IKZF1: variants seen among roughly 807,000 people sequenced by gnomAD.
IKZF1 encodes DNA-binding protein Ikaros.
In IKZF1, 10 loss-of-function variants were observed where a neutral mutation model predicts 51.7. That is an observed-to-expected ratio of 0.19 (90% CI 0.12 to 0.33). The LOEUF (loss-of-function observed/expected upper bound fraction) is 0.33, where lower values mean the gene tolerates loss of function less well. IKZF1 is among the 10% of genes least tolerant of loss of function. IKZF1 has a pLI of 1.00. For missense variants in IKZF1, 484 were observed against 707.5 expected (o/e 0.68, Z 3.58); for synonymous variants, 280 against 282.3 (o/e 0.99, Z 0.08).
chr7:50,345,520 G>A (rs1474643301), intron 3 of IKZF1, among the ~76,000 whole-genome samples: 3 of 152,304 alleles, frequency 2.0e-5, no homozygotes, highest in Admixed American at 6.5e-5. Context: ...TCCCCGGGAG[G>A]TGGAAATTGA....
At chr7:50,313,111 T>C (rs1790600267) in intron 1 of IKZF1, among the ~76,000 whole-genome samples, 1 of 152,264 alleles carries the variant, frequency 6.6e-6, no homozygotes, top group African/African-American at 2.4e-5. Flanking sequence ...TTGCCTTAGC[T>C]TTCTCTTGAA....
intron 3 of IKZF1, among the ~76,000 whole-genome samples, chr7:50,358,610 G>A (rs955193472): frequency 6.6e-5 from 10 of 152,228 alleles, no homozygotes; most frequent in South Asian, 2.1e-4. Flanking sequence ...GGCAGAGGCC[G>A]TCTGTAAACA....
chr7:50,321,671 G>A (rs1793361657), intron 2 of IKZF1, among the ~76,000 whole-genome samples: 1 of 152,120 alleles, frequency 6.6e-6, no homozygotes, highest in Admixed American at 6.6e-5. Flanking sequence ...AGTCAAAGCT[G>A]AATGCTGACA....
At chr7:50,399,786 G>C (rs1817652745) in intron 7 of IKZF1, 132 bp from the exon 8 acceptor site, 5 of 1,367,610 alleles carry the variant, frequency 3.7e-6, no homozygotes, top group Middle Eastern at 2.5e-4. Context: ...CAGGTGTGGG[G>C]TCCGCAGGCG....
intron 3 of IKZF1, among the ~76,000 whole-genome samples, chr7:50,375,275 A>T (rs1313493613): frequency 6.6e-6 from 1 of 152,144 alleles, no homozygotes; most frequent in Non-Finnish European, 1.5e-5. Context: ...CCAAAAAAAA[A>T]TGGCTGGATG....
At chr7:50,329,119 GT>G (rs1330602485) in intron 3 of IKZF1, among the ~76,000 whole-genome samples, 1 of 149,740 alleles carries the variant, frequency 6.7e-6, no homozygotes, top group Non-Finnish European at 1.5e-5. Context: ...TATTTTGTAT[GT>G]TTTTTATGTG....
rs1810313846 is a variant in IKZF1, at chr7:50,376,447, TTTGA to T, written c.161-82_161-79del. The T allele has an allele frequency of 1.3e-6, 2 of 1,561,480 alleles. No individual in the cohort carries two copies. Among genetic ancestry groups the T allele is most frequent in the East Asian group, 4.5e-5 (2 of 44,524 alleles). On this transcript the variant is annotated intron_variant, in intron 3 of 7. Transcript: ENST00000331340. The surrounding 1 kb of genome is among the most constrained non-coding windows in gnomAD (Gnocchi z 4.5). ...TCTGTTTAGTAGCTCTCCACACCTA[TTTGA>T]TTGTCTTTTTGCTGCTGTGTTGTTT...
intron 3 of IKZF1, among the ~76,000 whole-genome samples, chr7:50,371,791 T>C (rs929636112): frequency 6.6e-6 from 1 of 152,378 alleles, no homozygotes; most frequent in East Asian, 1.9e-4. Flanking sequence ...CACCAGCCTA[T>C]GCTGCCCTTT....
intron 3 of IKZF1, among the ~76,000 whole-genome samples, chr7:50,354,661 G>A (rs1244225658): frequency 6.6e-6 from 1 of 152,052 alleles, no homozygotes; most frequent in Admixed American, 6.6e-5. Context: ...CTGGAGTCAC[G>A]GGTCTTCCAT....
At chr7:50,355,193 C>T (rs541092722) in intron 3 of IKZF1, among the ~76,000 whole-genome samples, 2 of 152,226 alleles carry the variant, frequency 1.3e-5, no homozygotes, top group South Asian at 2.1e-4. Context: ...TCCCAACAGG[C>T]GGAAATTCAC....
At position 50,376,420 on chromosome 7, in the gene IKZF1, C is replaced by A; in HGVS notation, c.161-113C>A. The stretch of plus-strand genomic sequence containing the variant: ...CTCTCCCCTTGGTATTTGCTAAGAA[C>A]TTCTGTTTAGTAGCTCTCCACACCT... On this transcript the variant is annotated intron_variant, in intron 3 of 7. Transcript: ENST00000331340. The surrounding 1 kb of genome is among the most constrained non-coding windows in gnomAD (Gnocchi z 4.5). The A allele has an allele frequency of 6.6e-7, 1 of 1,509,232 alleles. No homozygotes were observed. Among genetic ancestry groups the A allele is most frequent in the Non-Finnish European group, 8.9e-7 (1 of 1,127,606 alleles). The allele number at this position is 1,509,232 out of a possible 1,614,324, so 93.5% of individuals were successfully genotyped here.
rs1006605925 is a variant in IKZF1, at chr7:50,401,474, A to G, written c.*847A>G. On this transcript the variant is annotated 3_prime_UTR_variant, in exon 8 of 8. Coordinates refer to ENST00000331340, the MANE Select transcript of IKZF1 (RefSeq NM_006060.6). ...TCCCATACCTTTAATGGCCCCCAAA[A>G]TCTGTCACTACAATTTAAACACCAG... 1 of 224,336 alleles carries G rather than the reference A, an allele frequency of 4.5e-6. No individual in the cohort carries two copies. Among genetic ancestry groups the G allele is most frequent in the Non-Finnish European group, 8.9e-6 (1 of 112,344 alleles). 13.9% of individuals were successfully genotyped at this position (224,336 alleles called of 1,614,324 possible). A position where few individuals can be genotyped will look rare whatever the true frequency, so the allele number is the denominator to read the frequency against.
At chr7:50,337,824 G>A (rs1318445221) in intron 3 of IKZF1, among the ~76,000 whole-genome samples, 2 of 152,156 alleles carry the variant, frequency 1.3e-5, no homozygotes, top group African/African-American at 2.4e-5. Flanking sequence ...CTTTGGGTGA[G>A]ACTGTCCCTC....
At chr7:50,364,891 C>T (rs1185969641) in intron 3 of IKZF1, among the ~76,000 whole-genome samples, 1 of 152,188 alleles carries the variant, frequency 6.6e-6, no homozygotes, top group Admixed American at 6.5e-5. Flanking sequence ...GGGGGCAGGG[C>T]TAAGAGGTGT....
At chr7:50,372,714 A>G (rs1394164520) in intron 3 of IKZF1, among the ~76,000 whole-genome samples, 1 of 152,082 alleles carries the variant, frequency 6.6e-6, no homozygotes, top group East Asian at 1.9e-4. Context: ...TGTGTGACTA[A>G]TCTTCTATAT....
intron 3 of IKZF1, among the ~76,000 whole-genome samples, chr7:50,352,687 C>T (rs927284031): frequency 2.0e-5 from 3 of 152,162 alleles, no homozygotes; most frequent in South Asian, 2.1e-4. Context: ...TCAACCTCTT[C>T]GGTCTCTCTT....
At chr7:50,361,574 C>T (rs1805246478) in intron 3 of IKZF1, among the ~76,000 whole-genome samples, 1 of 152,146 alleles carries the variant, frequency 6.6e-6, no homozygotes, top group East Asian at 1.9e-4. Context: ...GGCACCAAAA[C>T]AATCATTTAA....
intron 1 of IKZF1, among the ~76,000 whole-genome samples, chr7:50,307,607 C>T (rs941754838): frequency 1.3e-5 from 2 of 152,160 alleles, no homozygotes; most frequent in African/African-American, 4.8e-5. Context: ...ATAATCATTC[C>T]ATTTTATGGG....
chr7:50,317,281 G>A lies in IKZF1; in HGVS notation c.-14-1767G>A, dbSNP rs146403817. 3.8e-3 allele frequency among the ~76,000 whole-genome samples: 583 copies of A among 152,282 alleles called. 2 individuals carry two copies. Among genetic ancestry groups the A allele is most frequent in the South Asian group, 0.014 (67 of 4,818 alleles). ...TTTAAGACCCGGTGTGTGATAGGCC[G>A]CGCTAAAATACTATACACATCTTCA... On this transcript the variant is annotated intron_variant, in intron 1 of 7. Transcript: ENST00000331340.
Sources: gnomAD v4.1 joint callset for allele counts (sites outside exome capture counted in the v4.1 genomes callset) on GRCh38, gnomAD v4.1.1 for gene constraint, Gnocchi (gnomAD v3.1) non-coding constraint, MANE v1.5 for transcripts, NCBI Gene and HGNC (gene_info 2026-07-23, HGNC 2026-07-21) for gene names.